Variants in PIGO observed in about 807,000 individuals in gnomAD.
PIGO encodes GPI ethanolamine phosphate transferase 3, catalytic subunit.
Under a neutral mutation model 86.9 loss-of-function variants are expected in PIGO, and 66 were observed. The observed-to-expected ratio is 0.76, with a 90% confidence interval of 0.62 to 0.93. PIGO has a LOEUF of 0.93. Among genes scored for constraint, PIGO ranks in the 40% least tolerant of loss-of-function variants. PIGO has a pLI of 0.00. For missense variants in PIGO, 1,202 were observed against 1,359.1 expected, an observed-to-expected ratio of 0.88 and a Z score of 1.82; for synonymous variants, 570 against 556.4, an observed-to-expected ratio of 1.02 and a Z score of -0.34.
intron 2 of PIGO, among the ~76,000 whole-genome samples, chr9:35,094,565 C>T (rs1177911160): frequency 6.6e-6 from 1 of 152,204 alleles, no homozygotes; most frequent in Non-Finnish European, 1.5e-5. Context: ...CCAGACCTCA[C>T]ACTTATCCTT....
At chr9:35,090,913 C>T in intron 7 of PIGO, 1 of 578,314 alleles carries the variant, frequency 1.7e-6, no homozygotes, top group East Asian at 2.9e-5. Flanking sequence ...CAAACACATA[C>T]AGCTCAGTGC....
rs771347652 is a variant in PIGO, at chr9:35,091,482, C to T, written c.2405G>A (p.Arg802Gln). 7.4e-6 allele frequency: 12 copies of T among 1,614,066 alleles called. No homozygotes were observed. The highest frequency in any genetic ancestry group is 1.3e-5 in the African/African-American group (1 of 74,916). The change falls in exon 7 of 11, where the codon CGA becomes CAA. Residue 802 changes from arginine to glutamine, a missense_variant. Coordinates refer to ENST00000378617, the MANE Select transcript of PIGO (RefSeq NM_032634.4). The stretch of plus-strand genomic sequence containing the variant: ...GCCCCGGAACTCCTCCTGCATGTGT[C>T]GGTAGATTTGAGGGACCACATAATC... ...DLDYVVPQIYRHMQEEFRGRL... is the reference protein window; with the variant it reads ...DLDYVVPQIYQHMQEEFRGRL...
Position 35,092,621 on chromosome 9 carries a change from C to A in PIGO, c.1266G>T (p.Pro422=). ...ACTGCTGCAGCTCAGCAATCACAGTCGGCAGTGTCGCCTCAGCCCCCTTGG... is the reference window on the plus strand; with the variant it reads ...ACTGCTGCAGCTCAGCAATCACAGTAGGCAGTGTCGCCTCAGCCCCCTTGG... The part of the protein sequence containing the change: ...QSPKGAEATL[P]TVIAELQQFL... Residue 422 remains proline (P), a synonymous_variant, in exon 7 of 11, where the codon CCG becomes CCT. Coordinates refer to ENST00000378617, the MANE Select transcript of PIGO (RefSeq NM_032634.4). 6.2e-7 allele frequency: 1 copy of A among 1,614,240 alleles called. No individual in the cohort carries two copies. Among genetic ancestry groups the A allele is most frequent in the Non-Finnish European group, 8.5e-7 (1 of 1,180,052 alleles).
In PIGO at chr9:35,089,017, C is replaced by T; in HGVS notation, c.*75G>A. Reference sequence around the variant, plus strand: ...TGGCTGAGCCTGTCTTGCAGATCATCCAGTACCTGTACAGGCCAGGCTACA... The same window carrying T: ...TGGCTGAGCCTGTCTTGCAGATCATTCAGTACCTGTACAGGCCAGGCTACA... On this transcript the variant is annotated 3_prime_UTR_variant, in exon 11 of 11. Coordinates refer to ENST00000378617, the MANE Select transcript of PIGO (RefSeq NM_032634.4). 6.3e-7 allele frequency: 1 copy of T among 1,590,848 alleles called. No homozygotes were observed.
rs960232440 is a variant in PIGO at position 35,096,228 on chromosome 9, G to C, written c.-75C>G. ...AGGGATCGAAGCCGCAGGGGAATCCGGGCCCAGCCGACGGCGCCGCCTGGC... is the reference window on the plus strand; with the variant it reads ...AGGGATCGAAGCCGCAGGGGAATCCCGGCCCAGCCGACGGCGCCGCCTGGC... On this transcript the variant is annotated 5_prime_UTR_variant, in exon 1 of 11. Coordinates refer to ENST00000378617, the MANE Select transcript of PIGO (RefSeq NM_032634.4). The C allele has an allele frequency of 2.6e-5, 4 of 152,200 alleles. No homozygotes were observed. Among genetic ancestry groups the C allele is most frequent in the African/African-American group, 7.2e-5 (3 of 41,442 alleles). The allele number at this position is 152,200 out of a possible 1,614,324, so 9.4% of individuals were successfully genotyped here.
At position 35,090,258 on chromosome 9, in the gene PIGO, G is replaced by C. The variant is rs1482424424; in HGVS notation, c.2877C>G (p.Leu959=). The change falls in exon 9 of 11, where the codon CTC becomes CTG. Residue 959 remains leucine (L), a synonymous_variant. Coordinates refer to ENST00000378617, the MANE Select transcript of PIGO (RefSeq NM_032634.4). ...CTTGACTCTCACACAGGAAAGGCCA[G>C]AGCAGGAGCAGTGGGCAACCTACTG... is the stretch of plus-strand genomic sequence containing the variant. The part of the protein sequence containing the change: ...LFAVGCPLLL[L]WPFLCESQGL... The C allele has an allele frequency of 6.2e-7, 1 of 1,614,000 alleles. No individual in the cohort carries two copies. The highest frequency in any genetic ancestry group is 2.2e-5 in the East Asian group (1 of 44,876).
chr9:35,091,167 ACCT>A (rs1419338846), intron 7 of PIGO, 70 bp downstream of exon 7: 6 of 1,453,000 alleles, frequency 4.1e-6, no homozygotes, highest in Non-Finnish European at 5.6e-6. Flanking sequence ...GAGGAGCAAC[ACCT>A]CCTTGAAAAC....
Position 35,092,638 on chromosome 9 carries a change from C to G in PIGO, c.1249G>C (p.Ala417Pro). 1 of 1,614,242 alleles carries G rather than the reference C, an allele frequency of 6.2e-7. No homozygotes were observed. The highest frequency in any genetic ancestry group is 8.5e-7 in the Non-Finnish European group (1 of 1,180,046). The change falls in exon 7 of 11, where the codon GCT becomes CCT. Residue 417 changes from alanine (A) to proline (P), a missense_variant. Coordinates refer to ENST00000378617, the MANE Select transcript of PIGO (RefSeq NM_032634.4). ...YQWLLQSPKG[A>P]EATLPTVIAE... ...ATCACAGTCGGCAGTGTCGCCTCAG[C>G]CCCCTTGGGGCTCTGGAGAAGCCAC...
chr9:35,089,465 G>A lies in PIGO; in HGVS notation c.3070-15C>T, dbSNP rs201927771. The A allele has an allele frequency of 1.5e-5, 25 of 1,614,134 alleles. No individual in the cohort carries two copies. The East Asian group carries it at 5.1e-4, about 33-fold the overall frequency. ...CAGGCCAGAATCTAGAGGAGGAGAG[G>A]AGGGGCCACGTTACTTGTGAAGGAG... On this transcript the variant is annotated splice_polypyrimidine_tract_variant and intron_variant, in intron 9 of 10. Transcript: ENST00000378617.
At chr9:35,089,717 A>G in intron 9 of PIGO, 1 of 1,407,116 alleles carries the variant, frequency 7.1e-7, no homozygotes, top group Non-Finnish European at 9.2e-7. Flanking sequence ...GGAAGATATC[A>G]GTGCCACATC....
Position 35,091,817 on chromosome 9 carries a change from G to A in PIGO, c.2070C>T (p.Arg690=), listed in dbSNP as rs770497870. ...GCTCGGGGCTCTTGAGATTACCATA[G>A]CGGCGAAGCCACAAGCGCACGGCAG... ...LLAAVRLWLR[R]YGNLKSPEPP... Residue 690 remains arginine, a synonymous_variant, in exon 7 of 11, where the codon CGC becomes CGT. Coordinates refer to ENST00000378617, the MANE Select transcript of PIGO (RefSeq NM_032634.4). The A allele has an allele frequency of 1.2e-6, 2 of 1,613,670 alleles. No homozygotes were observed. The highest frequency in any genetic ancestry group is 1.7e-6 in the Non-Finnish European group (2 of 1,180,024).
chr9:35,093,331 G>T, intron 5 of PIGO, 90 bp downstream of exon 5: 1 of 1,584,940 alleles, frequency 6.3e-7, no homozygotes. Context: ...ATGGATTTGG[G>T]GGCCTAAAAT....
chr9:35,095,670 C>T, intron 1 of PIGO, 104 bp from the exon 2 acceptor site: 1 of 1,331,022 alleles, frequency 7.5e-7, no homozygotes, highest in Non-Finnish European at 9.9e-7. Flanking sequence ...TCCCGGAAAC[C>T]TTCCTGGAGA....
chr9:35,089,126 C>T lies in PIGO; in HGVS notation c.3236G>A (p.Trp1079Ter). ...CTGGGCCAGAAATAGCTGCCTGAACCAGGAGCTCACAGCACCATCCACTCT... is the reference window on the plus strand; with the variant it reads ...CTGGGCCAGAAATAGCTGCCTGAACTAGGAGCTCACAGCACCATCCACTCT... ...VMRVDGAVSSWFRQLFLAQQR is the reference protein window; with the variant it reads ...VMRVDGAVSS The change falls in exon 11 of 11, where the codon TGG (tryptophan) becomes TAG (stop). Residue 1079 changes from tryptophan to a stop codon, truncating the protein, a stop_gained. Coordinates refer to ENST00000378617, the MANE Select transcript of PIGO (RefSeq NM_032634.4). LOFTEE classifies it high-confidence loss of function. The T allele has an allele frequency of 6.2e-7, 1 of 1,614,110 alleles. No individual in the cohort carries two copies. The highest frequency in any genetic ancestry group is 8.5e-7 in the Non-Finnish European group (1 of 1,180,006).
Position 35,093,422 on chromosome 9 carries a change from T to C in PIGO, c.938A>G (p.Glu313Gly). 1 of 1,614,092 alleles carries C rather than the reference T, an allele frequency of 6.2e-7. No homozygotes were observed. Among genetic ancestry groups the C allele is most frequent in the Non-Finnish European group, 8.5e-7 (1 of 1,179,988 alleles). The stretch of plus-strand genomic sequence containing the variant: ...GATGAGGAACATCCCAGGCCTCACC[T>C]CTGGTGGGGTGCTGGGGAAGACTGC... ...PTAVFPSTPP[E>G]EPEVIPQVSL... The change falls in exon 5 of 11, where the codon GAG (glutamate) becomes GGG (glycine). Residue 313 changes from glutamate to glycine, a missense_variant and splice_region_variant. Physicochemically the swap from Glu to Gly is moderately conservative, Grantham distance 98. Coordinates refer to ENST00000378617, the MANE Select transcript of PIGO (RefSeq NM_032634.4).
chr9:35,091,687 C>T lies in PIGO; in HGVS notation c.2200G>A (p.Val734Ile), dbSNP rs1255534926. ...ACCATGGATGCCCCAGAGACCAGGA[C>T]CCGGAGACGGGGGGGAGCCTCATCT... is the stretch of plus-strand genomic sequence containing the variant. ...GADEAPPRLR[V>I]LVSGASMVLP... The change falls in exon 7 of 11, where the codon GTC becomes ATC. Residue 734 changes from valine (V) to isoleucine (I), a missense_variant. Coordinates refer to ENST00000378617, the MANE Select transcript of PIGO (RefSeq NM_032634.4). 6.2e-7 allele frequency: 1 copy of T among 1,612,628 alleles called. No individual in the cohort carries two copies. Among genetic ancestry groups the T allele is most frequent in the East Asian group, 2.2e-5 (1 of 44,874 alleles).
At chr9:35,092,915 G>C (rs1829500625) in intron 6 of PIGO, 115 bp downstream of exon 6, 13 of 1,396,448 alleles carry the variant, frequency 9.3e-6, no homozygotes, top group Non-Finnish European at 1.2e-5. Flanking sequence ...TAACGGAAGA[G>C]GGATAGGTAT....
At chr9:35,093,321 A>T in intron 5 of PIGO, 100 bp downstream of exon 5, 1 of 1,579,732 alleles carries the variant, frequency 6.3e-7, no homozygotes. Flanking sequence ...ACCCAGGATC[A>T]TGGATTTGGG....
chr9:35,089,773 GA>G, intron 9 of PIGO: 1 of 1,390,384 alleles, frequency 7.2e-7, no homozygotes, highest in South Asian at 1.6e-5. Flanking sequence ...AGTTTGGGAA[GA>G]AAATCCTGGC....
Sources: allele counts gnomAD v4.1 joint callset (sites outside exome capture counted in the v4.1 genomes callset), GRCh38; gene constraint gnomAD v4.1.1; transcripts MANE v1.5; gene names NCBI Gene and HGNC (gene_info 2026-07-23, HGNC 2026-07-21).